Variants in ZMAT4 observed in about 807,000 individuals in gnomAD.
ZMAT4 encodes zinc finger matrin-type protein 4.
Under a neutral mutation model 28.7 loss-of-function variants are expected in ZMAT4, and 17 were observed. The ratio of observed to expected loss-of-function variants is 0.59; its 90% confidence interval spans 0.41 to 0.89. The LOEUF is 0.89. ZMAT4 is among the 40% of genes least tolerant of loss of function. The pLI is 0.00. For synonymous variants in ZMAT4, 117 were observed against 109.2 expected (o/e 1.07, Z -0.44); for missense variants, 240 against 283.8 (o/e 0.85, Z 1.11).
chr8:40,732,243 T>A (rs985824892), intron 3 of ZMAT4, among the ~76,000 whole-genome samples: 14 of 151,770 alleles, frequency 9.2e-5, no homozygotes, highest in Non-Finnish European at 1.9e-4. Flanking sequence ...TTTACCCCAA[T>A]TTTTAAAAAT....
At chr8:40,884,017 G>A (rs1366985759) in intron 1 of ZMAT4, among the ~76,000 whole-genome samples, 3 of 152,254 alleles carry the variant, frequency 2.0e-5, no homozygotes, top group South Asian at 4.1e-4. Context: ...ATTTAGAGAC[G>A]CAGCACAACT....
chr8:40,787,716 A>G (rs1814146481), intron 2 of ZMAT4, among the ~76,000 whole-genome samples: 1 of 152,222 alleles, frequency 6.6e-6, no homozygotes, highest in African/African-American at 2.4e-5. Context: ...GTGGTCTACA[A>G]GTGTGACTCA....
At chr8:40,653,008 C>A (rs527597085) in intron 5 of ZMAT4, among the ~76,000 whole-genome samples, 1 of 151,720 alleles carries the variant, frequency 6.6e-6, no homozygotes, top group Admixed American at 6.6e-5. Context: ...GGGTGCAGTG[C>A]ACCAGCATGG....
At chr8:40,689,489 A>G (rs1021935347) in intron 4 of ZMAT4, among the ~76,000 whole-genome samples, 5 of 152,360 alleles carry the variant, frequency 3.3e-5, no homozygotes, top group Non-Finnish European at 7.3e-5. Flanking sequence ...AAAGAAACCA[A>G]TCTGAGCATT....
At chr8:40,705,519 AG>A (rs1810314425) in intron 3 of ZMAT4, among the ~76,000 whole-genome samples, 1 of 152,244 alleles carries the variant, frequency 6.6e-6, no homozygotes, top group Non-Finnish European at 1.5e-5. Context: ...ATACAGTACA[AG>A]CTGTAAATGA....
intron 5 of ZMAT4, among the ~76,000 whole-genome samples, chr8:40,653,366 A>G (rs531650710): frequency 1.3e-5 from 2 of 152,084 alleles, no homozygotes; most frequent in Admixed American, 1.3e-4. Context: ...AAAATACTCA[A>G]TGAAAAAACT....
intron 1 of ZMAT4, among the ~76,000 whole-genome samples, chr8:40,870,650 T>C (rs936332108): frequency 5.3e-5 from 8 of 152,330 alleles, no homozygotes; most frequent in South Asian, 2.1e-4. Context: ...AGACTGAGAA[T>C]GGATTCATAG....
At chr8:40,661,367 TG>T (rs1457168033) in intron 5 of ZMAT4, among the ~76,000 whole-genome samples, 1 of 152,242 alleles carries the variant, frequency 6.6e-6, no homozygotes, top group Non-Finnish European at 1.5e-5. Flanking sequence ...GCCAAAGTGC[TG>T]GGATTACCGG....
intron 5 of ZMAT4, among the ~76,000 whole-genome samples, chr8:40,607,496 G>C (rs758515876): frequency 1.3e-5 from 2 of 151,974 alleles, no homozygotes; most frequent in Non-Finnish European, 2.9e-5. Flanking sequence ...GTGCCTCCCT[G>C]AGTATCTTAA....
intron 1 of ZMAT4, among the ~76,000 whole-genome samples, chr8:40,887,254 T>A (rs1194737871): frequency 6.7e-6 from 1 of 149,494 alleles, no homozygotes; most frequent in Non-Finnish European, 1.5e-5. Context: ...TTTGGGAGCC[T>A]GAGGAGGGTG....
chr8:40,834,440 C>A (rs1816403952), intron 1 of ZMAT4, among the ~76,000 whole-genome samples: 1 of 152,130 alleles, frequency 6.6e-6, no homozygotes, highest in African/African-American at 2.4e-5. Flanking sequence ...CTATGCAAAT[C>A]CCACAGATTT....
chr8:40,628,267 G>A (rs916726913), intron 5 of ZMAT4, among the ~76,000 whole-genome samples: 6 of 152,144 alleles, frequency 3.9e-5, no homozygotes, highest in African/African-American at 1.4e-4. Context: ...GAAATGAGAT[G>A]AAGACAGGAA....
At chr8:40,778,307 TAAC>T (rs1813689840) in intron 2 of ZMAT4, among the ~76,000 whole-genome samples, 1 of 152,238 alleles carries the variant, frequency 6.6e-6, no homozygotes, top group Admixed American at 6.5e-5. Context: ...ATAACATTTA[TAAC>T]CTGAAAAAAG....
At chr8:40,737,330 G>A (rs562664445) in intron 3 of ZMAT4, among the ~76,000 whole-genome samples, 2 of 151,920 alleles carry the variant, frequency 1.3e-5, no homozygotes, top group Non-Finnish European at 2.9e-5. Flanking sequence ...GGACACCCCC[G>A]ATTTAAGGAG....
intron 5 of ZMAT4, among the ~76,000 whole-genome samples, chr8:40,600,505 C>G (rs1477154827): frequency 1.3e-5 from 2 of 152,232 alleles, no homozygotes; most frequent in Non-Finnish European, 2.9e-5. Context: ...GCCAACCTTC[C>G]CTTCACCACA....
chr8:40,778,054 T>C (rs1813678374), intron 2 of ZMAT4, among the ~76,000 whole-genome samples: 1 of 152,218 alleles, frequency 6.6e-6, no homozygotes, highest in Non-Finnish European at 1.5e-5. Flanking sequence ...TTTAAGTAGC[T>C]AGGTAAATCG....
intron 6 of ZMAT4, among the ~76,000 whole-genome samples, chr8:40,556,198 A>C (rs1803529053): frequency 6.6e-6 from 1 of 152,080 alleles, no homozygotes; most frequent in African/African-American, 2.4e-5. Flanking sequence ...CATGGTTTTA[A>C]CTACCGCTAG....
At chr8:40,845,546 A>G (rs1474598923) in intron 1 of ZMAT4, among the ~76,000 whole-genome samples, 2 of 152,028 alleles carry the variant, frequency 1.3e-5, no homozygotes, top group Non-Finnish European at 2.9e-5. Flanking sequence ...TAGGCAGATT[A>G]TAGCAGCCTT....
chr8:40,788,563 G>A (rs1165837450), intron 2 of ZMAT4, among the ~76,000 whole-genome samples: 1 of 151,988 alleles, frequency 6.6e-6, no homozygotes, highest in Non-Finnish European at 1.5e-5. Flanking sequence ...ATCTCAGCTG[G>A]GTGACAGAAA....
Sources: allele counts gnomAD v4.1 joint callset (sites outside exome capture counted in the v4.1 genomes callset), GRCh38; gene constraint gnomAD v4.1.1; transcripts MANE v1.5; gene names NCBI Gene and HGNC (gene_info 2026-07-23, HGNC 2026-07-21).